The following B4GALT4 variants were observed in gnomAD, a reference collection of about 807,000 sequenced individuals.
B4GALT4 encodes N-acetyllactosamine synthase.
In B4GALT4, 27 loss-of-function variants were observed where a neutral mutation model predicts 37.3. The observed-to-expected ratio is 0.72, with a 90% CI of 0.53 to 1.00. The LOEUF is 1.00. Among genes scored for constraint, B4GALT4 ranks in the 50% least tolerant of loss-of-function variants. B4GALT4 has a pLI of 0.00. For synonymous variants in B4GALT4, 148 were observed against 154.1 expected, an observed-to-expected ratio of 0.96 and a Z score of 0.29; for missense variants, 372 against 413.1, an observed-to-expected ratio of 0.90 and a Z score of 0.86.
chr3:119,228,915 C>T (rs2078719568), intron 3 of B4GALT4, among the ~76,000 whole-genome samples: 1 of 130,744 alleles, frequency 7.6e-6, no homozygotes, highest in Non-Finnish European at 1.7e-5. Context: ...TGTGTGTGCG[C>T]ACACACACCA....
chr3:119,213,318 A>T (rs2078208918), intron 7 of B4GALT4: 1 of 152,246 alleles, frequency 6.6e-6, no homozygotes, highest in Admixed American at 6.5e-5. Context: ...GTGTGGCCAG[A>T]ACCATGGAAT....
rs752324018 is a variant in B4GALT4, at chr3:119,224,026, G to A, written c.674+32C>T. ...CTTGATCACAATAGTTGAGCTTCTC[G>A]ACCTAAGCCACCCTCAGCAGAACCA... is the stretch of plus-strand genomic sequence containing the variant. On this transcript the variant is annotated intron_variant, in intron 5 of 7. Coordinates refer to ENST00000393765, the MANE Select transcript of B4GALT4 (RefSeq NM_003778.4). The A allele has an allele frequency of 1.5e-5, 23 of 1,568,480 alleles. No individual in the cohort carries two copies. In the East Asian group the frequency reaches 2.8e-4, roughly 19 times the overall value.
intron 7 of B4GALT4, chr3:119,214,099 T>C (rs996767156): frequency 6.6e-6 from 1 of 151,992 alleles, no homozygotes; most frequent in African/African-American, 2.4e-5. Flanking sequence ...TGGTGACACA[T>C]GCCTGTGGTC....
Position 119,226,799 on chromosome 3 carries a change from C to T in B4GALT4, c.486+10G>A. On this transcript the variant is annotated intron_variant, in intron 4 of 7. Coordinates refer to ENST00000393765, the MANE Select transcript of B4GALT4 (RefSeq NM_003778.4). ...GTCGAGGGCAGGCCCTGGTCTGCCC[C>T]CACGCTCACCTGGTGGATGACGTAG... 6.2e-7 allele frequency: 1 copy of T among 1,610,144 alleles called. No homozygotes were observed. The highest frequency in any genetic ancestry group is 8.5e-7 in the Non-Finnish European group (1 of 1,178,092).
intron 1 of B4GALT4, among the ~76,000 whole-genome samples, chr3:119,238,688 A>G (rs921827748): frequency 1.3e-5 from 2 of 152,200 alleles, no homozygotes; most frequent in Non-Finnish European, 2.9e-5. Flanking sequence ...ATGCATATAT[A>G]GAAAAAAACA....
intron 2 of B4GALT4, chr3:119,236,323 A>C (rs1277037756): frequency 6.7e-6 from 1 of 148,480 alleles, no homozygotes; most frequent in Non-Finnish European, 1.5e-5. Flanking sequence ...AAAAAAAAAC[A>C]GACATTAGTA....
At chr3:119,219,115 T>C (rs2078374071) in intron 5 of B4GALT4, among the ~76,000 whole-genome samples, 1 of 152,198 alleles carries the variant, frequency 6.6e-6, no homozygotes, top group Non-Finnish European at 1.5e-5. Context: ...ATGGTAACAG[T>C]TGCCAAGGGC....
chr3:119,212,200 C>T lies in B4GALT4; in HGVS notation c.*349G>A, dbSNP rs1222720683. The T allele has an allele frequency of 4.3e-6, 3 of 702,914 alleles. No homozygotes were observed. The highest frequency in any genetic ancestry group is 7.8e-6 in the Non-Finnish European group (3 of 385,010). The allele number at this position is 702,914 out of a possible 1,614,324, so 43.5% of individuals were successfully genotyped here. On this transcript the variant is annotated 3_prime_UTR_variant, in exon 8 of 8. Transcript: ENST00000393765. ...CATTCAGCAGTCTTATTTCCTGTGG[C>T]CTTTTATCCCATAATATATTACTTC...
intron 3 of B4GALT4, among the ~76,000 whole-genome samples, chr3:119,227,327 T>C (rs1430193176): frequency 2.6e-5 from 4 of 152,192 alleles, no homozygotes; most frequent in African/African-American, 9.7e-5. Context: ...AGAGGGAATA[T>C]CCTGGTGAAC....
At chr3:119,214,915 G>C (rs2078250212) in intron 7 of B4GALT4, 1 of 152,164 alleles carries the variant, frequency 6.6e-6, no homozygotes, top group Non-Finnish European at 1.5e-5. Flanking sequence ...GAAACTCACA[G>C]ATCAATCCTA....
chr3:119,226,645 A>T (rs1317110848), intron 4 of B4GALT4, 164 bp downstream of exon 4: 3 of 659,058 alleles, frequency 4.6e-6, no homozygotes, highest in Non-Finnish European at 7.6e-6. Context: ...ACACTCTGAG[A>T]CAAGAATTTC....
Position 119,211,895 on chromosome 3 carries a change from A to T in B4GALT4, c.*654T>A, listed in dbSNP as rs1469093068. 1 of 461,160 alleles carries T rather than the reference A, an allele frequency of 2.2e-6. No individual in the cohort carries two copies. Among genetic ancestry groups the T allele is most frequent in the African/African-American group, 1.9e-5 (1 of 51,774 alleles). The allele number at this position is 461,160 out of a possible 1,614,324, so 28.6% of individuals were successfully genotyped here. ...ATAGAGAATGTATTCTCTGGTGGGC[A>T]TCACTGGAAGGCATACCTGGGCAGG... On this transcript the variant is annotated 3_prime_UTR_variant, in exon 8 of 8. Transcript: ENST00000393765.
intron 2 of B4GALT4, among the ~76,000 whole-genome samples, chr3:119,235,399 A>G (rs897964782): frequency 2.0e-5 from 3 of 152,196 alleles, no homozygotes; most frequent in Admixed American, 6.5e-5. Flanking sequence ...GGCAGCTATG[A>G]GCACCAAAAT....
chr3:119,233,237 A>ACCTCCCT (rs1218463664), intron 2 of B4GALT4: 5 of 152,230 alleles, frequency 3.3e-5, no homozygotes, highest in Admixed American at 3.3e-4. Context: ...CTTAAAGACC[A>ACCTCCCT]CACATCCACC....
In B4GALT4 at chr3:119,212,293, T is replaced by C; in HGVS notation, c.*256A>G. On this transcript the variant is annotated 3_prime_UTR_variant, in exon 8 of 8. Transcript: ENST00000393765. ...TTCATTTTATCCTTTGAGTCATCCTTTTATATAAAGTCCTTCAAGTATCCA... is the reference window on the plus strand; with the variant it reads ...TTCATTTTATCCTTTGAGTCATCCTCTTATATAAAGTCCTTCAAGTATCCA... 1.4e-6 allele frequency: 1 copy of C among 694,584 alleles called. No homozygotes were observed. Among genetic ancestry groups the C allele is most frequent in the Non-Finnish European group, 2.6e-6 (1 of 381,976 alleles). The allele number at this position is 694,584 out of a possible 1,614,324, so 43.0% of individuals were successfully genotyped here. A position where few individuals can be genotyped will look rare whatever the true frequency, so the allele number is the denominator to read the frequency against.
intron 3 of B4GALT4, among the ~76,000 whole-genome samples, chr3:119,228,917 C>G (rs1281667524): frequency 6.6e-6 from 1 of 152,154 alleles, no homozygotes; most frequent in African/African-American, 2.4e-5. Context: ...TGTGTGCGCA[C>G]ACACACCAAG....
intron 6 of B4GALT4, among the ~76,000 whole-genome samples, chr3:119,217,919 C>T (rs1234938725): frequency 6.6e-6 from 1 of 151,798 alleles, no homozygotes; most frequent in African/African-American, 2.4e-5. Context: ...TCCTGACACC[C>T]AGAATGGCCT....
intron 3 of B4GALT4, 97 bp downstream of exon 3, chr3:119,229,750 A>T: frequency 8.0e-7 from 1 of 1,255,142 alleles, no homozygotes; most frequent in Non-Finnish European, 1.1e-6. Flanking sequence ...ATATATATTT[A>T]TGGGGTACAT....
rs557222088 is a variant in B4GALT4, at chr3:119,236,347, A to G, written c.-146+506T>C. On this transcript the variant is annotated intron_variant, in intron 2 of 7. Transcript: ENST00000393765. ...CAGACATTAGTAGGAAAATTGATGAATTTTCAATAAAGTTTGTAGTTTAGT... is the reference window on the plus strand; with the variant it reads ...CAGACATTAGTAGGAAAATTGATGAGTTTTCAATAAAGTTTGTAGTTTAGT... 5 of 152,290 alleles carry G rather than the reference A, an allele frequency of 3.3e-5. No homozygotes were observed. In the South Asian group the frequency reaches 1.0e-3, roughly 32 times the overall value. 9.4% of individuals were successfully genotyped at this position (152,290 alleles called of 1,614,324 possible).
Sources: gnomAD v4.1 joint callset for allele counts (sites outside exome capture counted in the v4.1 genomes callset) on GRCh38, gnomAD v4.1.1 for gene constraint, MANE v1.5 for transcripts, NCBI Gene and HGNC (gene_info 2026-07-23, HGNC 2026-07-21) for gene names.